Variants in PI4K2A observed in about 807,000 individuals in gnomAD.
PI4K2A encodes phosphatidylinositol 4-kinase type 2 alpha.
In PI4K2A, 20 loss-of-function variants were observed where a neutral mutation model predicts 55.0. That is an observed-to-expected ratio of 0.36 (90% CI 0.26 to 0.53). PI4K2A has a LOEUF of 0.53. Among genes scored for constraint, PI4K2A ranks in the 20% least tolerant of loss-of-function variants. The pLI, the probability that PI4K2A is intolerant of heterozygous loss-of-function variation, is 0.91. For synonymous variants in PI4K2A, 235 were observed against 258.5 expected (o/e 0.91, Z 0.87); for missense variants, 463 against 637.1 (o/e 0.73, Z 2.94).
chr10:97,660,445 G>A (rs2041576698), intron 4 of PI4K2A, among the ~76,000 whole-genome samples: 1 of 151,598 alleles, frequency 6.6e-6, no homozygotes, highest in South Asian at 2.1e-4. Flanking sequence ...ACAGGTGCAT[G>A]CCACCACACC....
intron 1 of PI4K2A, 74 bp downstream of exon 1, chr10:97,641,251 C>T (rs1265139549): frequency 3.6e-6 from 4 of 1,113,564 alleles, no homozygotes; most frequent in South Asian, 1.4e-5. Context: ...GGGCTTCGCA[C>T]AGCCAGAGGG....
rs1280924388 is a variant in PI4K2A, at chr10:97,656,699, T to G, written c.769-122T>G. The G allele has an allele frequency of 1.1e-6, 1 of 878,494 alleles. No individual in the cohort carries two copies. The highest frequency in any genetic ancestry group is 1.8e-6 in the Non-Finnish European group (1 of 549,614). 54.4% of individuals were successfully genotyped at this position (878,494 alleles called of 1,614,324 possible). A position where few individuals can be genotyped will look rare whatever the true frequency, so the allele number is the denominator to read the frequency against. On this transcript the variant is annotated intron_variant, in intron 3 of 8. Coordinates refer to ENST00000370631, the Ensembl canonical transcript of PI4K2A. The surrounding 1 kb of genome is among the most constrained non-coding windows in gnomAD (Gnocchi z 4.5). ...GCAAGAAATGAGGAAGTAAAGATCT[T>G]GAAAAGTTTTCCTTCTCTGATACAA...
intron 2 of PI4K2A, among the ~76,000 whole-genome samples, chr10:97,651,889 G>A (rs566706524): frequency 6.6e-6 from 1 of 151,936 alleles, no homozygotes; most frequent in South Asian, 2.1e-4. Flanking sequence ...CAAAGGTTAT[G>A]AGGGGAAGGA....
At chr10:97,675,197 A>C (rs572958433) in exon 9 of PI4K2A, 1 of 152,750 alleles carries the variant, frequency 6.5e-6, no homozygotes, top group South Asian at 2.1e-4. Context: ...AGGTTTGAAA[A>C]ACAACCAAAG....
In PI4K2A at chr10:97,656,558, G is replaced by A; in HGVS notation, c.768+142G>A. 1.2e-6 allele frequency: 1 copy of A among 831,186 alleles called. No individual in the cohort carries two copies. The highest frequency in any genetic ancestry group is 1.9e-6 in the Non-Finnish European group (1 of 532,356). 51.5% of individuals were successfully genotyped at this position (831,186 alleles called of 1,614,324 possible). On this transcript the variant is annotated intron_variant, in intron 3 of 8. Coordinates refer to ENST00000370631, the Ensembl canonical transcript of PI4K2A. The surrounding 1 kb of genome is among the most constrained non-coding windows in gnomAD (Gnocchi z 4.5). Reference sequence around the variant, plus strand: ...ATCCTGTCTTCCTTATTTCTGTCAAGTGGCTAAGGTTTGAAAAGTTGAGAC... The same window carrying A: ...ATCCTGTCTTCCTTATTTCTGTCAAATGGCTAAGGTTTGAAAAGTTGAGAC...
chr10:97,673,613 C>T (rs2041646829), exon 9 of PI4K2A: 1 of 1,614,108 alleles, frequency 6.2e-7, no homozygotes, highest in Admixed American at 1.7e-5. Context: ...TGAAAGACAA[C>T]AAGAGTCCCC....
In PI4K2A at chr10:97,656,789, G is replaced by GA; in HGVS notation, c.769-27dup. On this transcript the variant is annotated intron_variant, in intron 3 of 8. Coordinates refer to ENST00000370631, the Ensembl canonical transcript of PI4K2A. The surrounding 1 kb of genome is among the most constrained non-coding windows in gnomAD (Gnocchi z 4.5). ...AAGGTCTTTGGATTTGGGCAGTAGG[G>GA]AAAAACCTTTGTTCCTTCCTCTTGG... 3 of 1,611,112 alleles carry GA rather than the reference G, an allele frequency of 1.9e-6. No individual in the cohort carries two copies. The highest frequency in any genetic ancestry group is 1.7e-4 in the Middle Eastern group (1 of 6,056).
chr10:97,668,936 G>A (rs1255408919), intron 8 of PI4K2A, among the ~76,000 whole-genome samples: 1 of 152,016 alleles, frequency 6.6e-6, no homozygotes, highest in African/African-American at 2.4e-5. Flanking sequence ...TGCGATCTTG[G>A]CTCACTGCAA....
rs2041555655 is a variant in PI4K2A at position 97,656,521 on chromosome 10, C to T, written c.768+105C>T. The T allele has an allele frequency of 1.8e-6, 2 of 1,100,542 alleles. No homozygotes were observed. Among genetic ancestry groups the T allele is most frequent in the Admixed American group, 2.0e-5 (1 of 49,972 alleles). 68.2% of individuals were successfully genotyped at this position (1,100,542 alleles called of 1,614,324 possible). A position where few individuals can be genotyped will look rare whatever the true frequency, so the allele number is the denominator to read the frequency against. On this transcript the variant is annotated intron_variant, in intron 3 of 8. Transcript: ENST00000370631. The surrounding 1 kb of genome is among the most constrained non-coding windows in gnomAD (Gnocchi z 4.5). ...AACTCAAATATGGGCACGTGAATAA[C>T]CTGCCCTGAGGATCCTGTCTTCCTT...
intron 1 of PI4K2A, among the ~76,000 whole-genome samples, chr10:97,649,321 T>C (rs1564773618): frequency 6.6e-6 from 1 of 152,194 alleles, no homozygotes; most frequent in Non-Finnish European, 1.5e-5. Flanking sequence ...GAGGGCTGAC[T>C]GGCCTGTTGA....
chr10:97,650,278 CTTTTTT>C (rs71007356), intron 1 of PI4K2A, among the ~76,000 whole-genome samples: 3 of 108,114 alleles, frequency 2.8e-5, no homozygotes, highest in African/African-American at 1.2e-4. Context: ...GCTTCTGTAC[CTTTTTT>C]TTTTTTTTTT....
intron 1 of PI4K2A, 95 bp downstream of exon 1, chr10:97,641,272 A>C: frequency 1.1e-6 from 1 of 880,566 alleles, no homozygotes; most frequent in Non-Finnish European, 1.7e-6. Context: ...AAAAGGGAGA[A>C]ACTTCACAGT....
At chr10:97,671,883 A>G (rs1487627677) in intron 8 of PI4K2A, among the ~76,000 whole-genome samples, 2 of 152,038 alleles carry the variant, frequency 1.3e-5, no homozygotes, top group African/African-American at 2.4e-5. Context: ...CAAACTCCTG[A>G]CCTCAGGTGA....
intron 4 of PI4K2A, among the ~76,000 whole-genome samples, chr10:97,659,700 G>A (rs1192961088): frequency 6.6e-6 from 1 of 152,012 alleles, no homozygotes; most frequent in Non-Finnish European, 1.5e-5. Context: ...TGCACATCTG[G>A]CTGCCATGTG....
Position 97,641,054 on chromosome 10 carries a change from C to T in PI4K2A, c.312C>T (p.Phe104=), listed in dbSNP as rs759605987. Reference sequence around the variant, plus strand: ...AGGCCCACCGCGAGCGGAACGAGTTCCCGGAGGATCCTGAGTTCGAGGCGG... The same window carrying T: ...AGGCCCACCGCGAGCGGAACGAGTTTCCGGAGGATCCTGAGTTCGAGGCGG... Residue 104 remains phenylalanine, a synonymous_variant, in exon 1 of 9, where the codon TTC becomes TTT. Transcript: ENST00000370631. 2.2e-5 allele frequency: 36 copies of T among 1,604,546 alleles called. No individual in the cohort carries two copies. The African/African-American group carries it at 3.6e-4, about 16-fold the overall frequency.
exon 9 of PI4K2A, chr10:97,673,891 C>A: frequency 1.5e-6 from 1 of 674,722 alleles, no homozygotes; most frequent in Non-Finnish European, 2.5e-6. Context: ...AGCTTTCCAC[C>A]CACAGGGAGA....
chr10:97,640,734 G>A, exon 1 of PI4K2A: 1 of 1,489,350 alleles, frequency 6.7e-7, no homozygotes. Flanking sequence ...GGAGCCGGCT[G>A]TCTGAGGGAT....
At chr10:97,673,664 C>A (rs769556709) in exon 9 of PI4K2A, 1 of 1,614,052 alleles carries the variant, frequency 6.2e-7, no homozygotes, top group Non-Finnish European at 8.5e-7. Flanking sequence ...TCGAGACGGC[C>A]CGTTCCCACC....
chr10:97,653,191 A>G (rs182791028), intron 2 of PI4K2A, among the ~76,000 whole-genome samples: 5 of 152,342 alleles, frequency 3.3e-5, no homozygotes, highest in Non-Finnish European at 5.9e-5. Context: ...TTACTAGGCA[A>G]ATAGCAGACC....
Sources: allele counts gnomAD v4.1 joint callset (sites outside exome capture counted in the v4.1 genomes callset), GRCh38; gene constraint gnomAD v4.1.1; non-coding constraint Gnocchi (gnomAD v3.1); transcripts MANE v1.5; gene names NCBI Gene and HGNC (gene_info 2026-07-23, HGNC 2026-07-21).